The following PALD1 variants were observed in gnomAD, a reference collection of about 807,000 sequenced individuals.
The protein encoded by PALD1 is paladin.
A neutral mutation model predicts 96.0 loss-of-function variants in PALD1; 57 were observed. The observed-to-expected ratio is 0.59, with a 90% CI of 0.48 to 0.74. The LOEUF is 0.74. PALD1 is among the 30% of genes least tolerant of loss of function. The pLI is 0.00. For synonymous variants in PALD1, 464 were observed against 473.6 expected, an observed-to-expected ratio of 0.98 and a Z score of 0.26; for missense variants, 1,063 against 1,143.7, an observed-to-expected ratio of 0.93 and a Z score of 1.02.
chr10:70,547,787 C>T (rs914092497), intron 18 of PALD1, among the ~76,000 whole-genome samples: 1 of 152,086 alleles, frequency 6.6e-6, no homozygotes, highest in Non-Finnish European at 1.5e-5. Flanking sequence ...GGCGTTAACC[C>T]TCTTGTTTCT....
upstream of PALD1, among the ~76,000 whole-genome samples, chr10:70,477,759 C>T (rs1354097358): frequency 1.3e-5 from 2 of 152,186 alleles, no homozygotes; most frequent in African/African-American, 4.8e-5. Context: ...CTGCCTGCAT[C>T]CTGGGGCAAC....
upstream of PALD1, among the ~76,000 whole-genome samples, chr10:70,475,935 C>T (rs1845816306): frequency 6.6e-6 from 1 of 152,236 alleles, no homozygotes. Context: ...CACACATACA[C>T]ACATGCTCAC....
intron 1 of PALD1, among the ~76,000 whole-genome samples, chr10:70,479,340 T>G (rs1845888905): frequency 6.6e-6 from 1 of 152,162 alleles, no homozygotes; most frequent in African/African-American, 2.4e-5. Flanking sequence ...ATTCCACTTT[T>G]CATTGCCAGA....
intron 18 of PALD1, among the ~76,000 whole-genome samples, chr10:70,561,960 A>T (rs1335341666): frequency 1.3e-5 from 2 of 152,186 alleles, no homozygotes; most frequent in African/African-American, 4.8e-5. Context: ...CACGGAGGGC[A>T]GGGCCTGTGA....
At chr10:70,496,727 C>T (rs1287035379) in intron 1 of PALD1, among the ~76,000 whole-genome samples, 1 of 152,104 alleles carries the variant, frequency 6.6e-6, no homozygotes, top group Non-Finnish European at 1.5e-5. Context: ...ATTTTTGTGT[C>T]TTTTGATGAA....
At chr10:70,464,959 AT>A in the PALD1 span, among the ~76,000 whole-genome samples, 6 of 141,564 alleles carry the variant, frequency 4.2e-5, no homozygotes, top group Admixed American at 7.1e-5. Context: ...GTATGTATGT[AT>A]GTATGTATGT....
intron 18 of PALD1, among the ~76,000 whole-genome samples, chr10:70,550,359 A>C (rs1564708379): frequency 6.6e-6 from 1 of 152,150 alleles, no homozygotes. Context: ...AGACTTGTTA[A>C]AATGCAGGCT....
At chr10:70,504,315 T>A (rs1451812235) in intron 1 of PALD1, among the ~76,000 whole-genome samples, 1 of 152,126 alleles carries the variant, frequency 6.6e-6, no homozygotes, top group Non-Finnish European at 1.5e-5. Context: ...TCACCTGAGG[T>A]CAGGAGTTCG....
chr10:70,498,945 G>T (rs1054832726), intron 1 of PALD1, among the ~76,000 whole-genome samples: 1 of 151,722 alleles, frequency 6.6e-6, no homozygotes, highest in Admixed American at 6.6e-5. Flanking sequence ...AAAAAAAAAG[G>T]TATCATACGT....
intron 1 of PALD1, among the ~76,000 whole-genome samples, chr10:70,501,261 A>G (rs1162465905): frequency 6.6e-6 from 1 of 152,114 alleles, no homozygotes; most frequent in Non-Finnish European, 1.5e-5. Flanking sequence ...GTTTCTGGGG[A>G]AAACCAGGCC....
At chr10:70,550,094 G>T (rs972350747) in intron 18 of PALD1, among the ~76,000 whole-genome samples, 1 of 152,224 alleles carries the variant, frequency 6.6e-6, no homozygotes, top group African/African-American at 2.4e-5. Flanking sequence ...GCACTGAAGA[G>T]CAGAGGGACT....
intron 1 of PALD1, among the ~76,000 whole-genome samples, chr10:70,499,982 G>A (rs1846263781): frequency 6.6e-6 from 1 of 152,190 alleles, no homozygotes; most frequent in African/African-American, 2.4e-5. Context: ...ATCTGTACAG[G>A]GGTTTTCTCA....
At chr10:70,483,139 G>T (rs1381125980) in intron 1 of PALD1, among the ~76,000 whole-genome samples, 1 of 152,062 alleles carries the variant, frequency 6.6e-6, no homozygotes, top group Non-Finnish European at 1.5e-5. Context: ...GAGCCTGAGG[G>T]AGGGAATGGC....
chr10:70,548,368 G>C (rs1280294669), intron 18 of PALD1, among the ~76,000 whole-genome samples: 1 of 152,164 alleles, frequency 6.6e-6, no homozygotes, highest in Non-Finnish European at 1.5e-5. Flanking sequence ...TATCTGGAAA[G>C]AATGTGCCCT....
chr10:70,496,884 A>G (rs729121), intron 1 of PALD1, among the ~76,000 whole-genome samples: 37,391 of 151,960 alleles, frequency 0.25, 6,108 homozygotes, highest in East Asian at 0.59. Context: ...ATGATAACTC[A>G]ATTAGCCTGT....
chr10:70,514,697 A>G (rs1256438216), intron 1 of PALD1, among the ~76,000 whole-genome samples: 2 of 152,192 alleles, frequency 1.3e-5, no homozygotes, highest in Non-Finnish European at 2.9e-5. Context: ...GGCTGTAGCA[A>G]AGACACAAAA....
chr10:70,516,803 C>T (rs183170605), intron 1 of PALD1, among the ~76,000 whole-genome samples: 41 of 152,300 alleles, frequency 2.7e-4, no homozygotes, highest in African/African-American at 9.9e-4. Flanking sequence ...AAGCAATCCT[C>T]CTGACTCGAC....
chr10:70,519,000 C>T (rs1421944445), intron 1 of PALD1, among the ~76,000 whole-genome samples: 1 of 152,246 alleles, frequency 6.6e-6, no homozygotes, highest in African/African-American at 2.4e-5. Flanking sequence ...GAAAGGAGCC[C>T]TGAGTCCCAA....
At chr10:70,505,232 T>C (rs1846361755) in intron 1 of PALD1, among the ~76,000 whole-genome samples, 1 of 152,232 alleles carries the variant, frequency 6.6e-6, no homozygotes, top group Non-Finnish European at 1.5e-5. Flanking sequence ...GCTCCAACTT[T>C]ATTATTGGCA....
Sources: gnomAD v4.1 joint callset for allele counts (sites outside exome capture counted in the v4.1 genomes callset) on GRCh38, gnomAD v4.1.1 for gene constraint, MANE v1.5 for transcripts, NCBI Gene and HGNC (gene_info 2026-07-23, HGNC 2026-07-21) for gene names.